CECR2: variants seen among roughly 807,000 people sequenced by gnomAD.
The protein encoded by CECR2 is CECR2 histone acetyl-lysine reader, also known as chromatin remodeling regulator CECR2.
A neutral mutation model predicts 154.5 loss-of-function variants in CECR2; 30 were observed. That is an observed-to-expected ratio of 0.19 (90% CI 0.15 to 0.26). CECR2 has a LOEUF of 0.26. Ranked by LOEUF, CECR2 falls within the 10% of genes least tolerant of loss-of-function variation. CECR2 has a pLI of 1.00. For missense variants in CECR2, 1,743 were observed against 1,829.3 expected (o/e 0.95, Z 0.86); for synonymous variants, 725 against 683.7 (o/e 1.06, Z -0.94).
chr22:17,367,789 G>A (rs1449093702), upstream of CECR2, among the ~76,000 whole-genome samples: 2 of 152,212 alleles, frequency 1.3e-5, no homozygotes, highest in African/African-American at 4.8e-5. Flanking sequence ...GACAATTCCG[G>A]GGTGGCCTGT....
At chr22:17,538,800 G>C (rs2300685) in intron 12 of CECR2, 69 bp downstream of exon 12, 97,939 of 1,398,514 alleles carry the variant, frequency 0.07, 7,053 homozygotes, top group African/African-American at 0.37. Flanking sequence ...TTGTTTGTTT[G>C]TTGTTAAATA....
intron 9 of CECR2, among the ~76,000 whole-genome samples, chr22:17,525,781 T>C (rs1188056074): frequency 7.2e-5 from 11 of 152,222 alleles, no homozygotes; most frequent in Non-Finnish European, 1.0e-4. Context: ...GAATTGTGTT[T>C]TTTTATTTAA....
rs375747559 is a variant in CECR2, at chr22:17,549,001, A to T, written c.3714A>T (p.Ser1238=). ...CTCCCCCACCAAGGTCCCTCTTCTC[A>T]GATAAGAATGCCATGGCCAGTCTGC... is the stretch of plus-strand genomic sequence containing the variant. The part of the protein sequence containing the change: ...SQPPPPRSLF[S]DKNAMASLQG... Residue 1238 remains serine, a synonymous_variant, in exon 17 of 19, where the codon TCA becomes TCT. Coordinates refer to ENST00000262608, the MANE Select transcript of CECR2 (RefSeq NM_001290047.2). The T allele has an allele frequency of 3.6e-4, 581 of 1,613,954 alleles. 6 individuals are homozygous for T. The South Asian group carries it at 4.5e-3, about 12-fold the overall frequency.
intron 1 of CECR2, among the ~76,000 whole-genome samples, chr22:17,458,330 C>T (rs1181582498): frequency 1.3e-5 from 2 of 151,364 alleles, no homozygotes; most frequent in African/African-American, 4.9e-5. Context: ...CAGAGAATTG[C>T]TTGAACCCAA....
chr22:17,495,637 T>C (rs1006534958), intron 2 of CECR2, among the ~76,000 whole-genome samples: 1 of 129,820 alleles, frequency 7.7e-6, no homozygotes, highest in Admixed American at 8.4e-5. Flanking sequence ...CCGAGGCGGG[T>C]GGATCATGAG....
At chr22:17,433,017 T>TA (rs2054449983) in intron 1 of CECR2, among the ~76,000 whole-genome samples, 1 of 152,234 alleles carries the variant, frequency 6.6e-6, no homozygotes. Context: ...CATGCACTCT[T>TA]ATCACCGAGC....
At chr22:17,371,714 A>G (rs900555713) in intron 1 of CECR2, among the ~76,000 whole-genome samples, 1 of 152,142 alleles carries the variant, frequency 6.6e-6, no homozygotes, top group Non-Finnish European at 1.5e-5. Context: ...CTTCCTTGCG[A>G]GATAAAGTTG....
At position 17,395,094 on chromosome 22, in the gene CECR2, C is replaced by A. The variant is rs574953993; in HGVS notation, c.126+25185C>A. 7.7e-4 allele frequency among the ~76,000 whole-genome samples: 117 copies of A among 152,226 alleles called. 1 individual carries two copies. The highest frequency in any genetic ancestry group is 2.7e-3 in the African/African-American group (114 of 41,538). Reference sequence around the variant, plus strand: ...TCTAACCCCAGTGTTGCCTTGTGTCCCTTGGCGGTTGACCCCATCCCTACT... The same window carrying A: ...TCTAACCCCAGTGTTGCCTTGTGTCACTTGGCGGTTGACCCCATCCCTACT... On this transcript the variant is annotated intron_variant, in intron 1 of 18. Transcript: ENST00000262608.
rs913379536 is a variant in CECR2, at chr22:17,409,884, G to T, written c.126+39975G>T. Among the ~76,000 whole-genome samples, 39 of 111,380 alleles carry T rather than the reference G, an allele frequency of 3.5e-4. 7 individuals carry two copies. Among genetic ancestry groups the T allele is most frequent in the Non-Finnish European group, 6.6e-4 (31 of 46,736 alleles). The allele number at this position is 111,380 out of a possible 152,430, so 73.1% of individuals were successfully genotyped here. On this transcript the variant is annotated intron_variant, in intron 1 of 18. Coordinates refer to ENST00000262608, the MANE Select transcript of CECR2 (RefSeq NM_001290047.2). ...AATGAAATAAAATTTCCAAAAGCAG[G>T]GACTGTGTTTTATCCATATTTGTGT... is the stretch of plus-strand genomic sequence containing the variant.
At chr22:17,369,228 G>A (rs928238610), upstream of CECR2, 1 of 151,898 alleles carries the variant, frequency 6.6e-6, no homozygotes, top group African/African-American at 2.4e-5. Flanking sequence ...AAGTCCTGGA[G>A]GGCGGAGGGC....
In CECR2 at chr22:17,418,130, C is replaced by G. The variant is rs191373750; in HGVS notation, c.126+48221C>G. 2.2e-3 allele frequency among the ~76,000 whole-genome samples: 340 copies of G among 152,224 alleles called. 2 individuals are homozygous for G. Among genetic ancestry groups the G allele is most frequent in the African/African-American group, 7.6e-3 (317 of 41,536 alleles). On this transcript the variant is annotated intron_variant, in intron 1 of 18. Transcript: ENST00000262608. Reference sequence around the variant, plus strand: ...AAAAAATATAAATCATTTTCATTCCCCAAGAAAGTTCTCTCATGCTGCGTG... The same window carrying G: ...AAAAAATATAAATCATTTTCATTCCGCAAGAAAGTTCTCTCATGCTGCGTG...
intron 7 of CECR2, among the ~76,000 whole-genome samples, chr22:17,505,712 GT>G (rs1365790893): frequency 5.4e-5 from 8 of 148,138 alleles, no homozygotes; most frequent in African/African-American, 1.0e-4. Context: ...AATTTTTTGT[GT>G]TTTTAGTAGA....
At chr22:17,511,260 GAAATTTCCTATAAGGACTGCTTTCC>G (rs953684825) in intron 7 of CECR2, among the ~76,000 whole-genome samples, 1 of 152,154 alleles carries the variant, frequency 6.6e-6, no homozygotes, top group African/African-American at 2.4e-5. Flanking sequence ...CTCTTTCTTT[GAAATTTCCTATAAGGACTGCTTTCC>G]AGCCTGGTGC....
At chr22:17,488,056 AT>A (rs2055455703) in intron 2 of CECR2, among the ~76,000 whole-genome samples, 1 of 151,918 alleles carries the variant, frequency 6.6e-6, no homozygotes, top group Non-Finnish European at 1.5e-5. Context: ...TAATTTTTGT[AT>A]TTTTAGTAGA....
chr22:17,468,164 A>G (rs2055065390), intron 1 of CECR2, among the ~76,000 whole-genome samples: 1 of 152,146 alleles, frequency 6.6e-6, no homozygotes, highest in African/African-American at 2.4e-5. Flanking sequence ...AAGAAAGGGG[A>G]GTATGCCCTT....
intron 2 of CECR2, among the ~76,000 whole-genome samples, chr22:17,493,265 C>T (rs1191437349): frequency 4.6e-5 from 7 of 152,188 alleles, no homozygotes; most frequent in African/African-American, 1.4e-4. Context: ...AGCTACTGCG[C>T]CCGGCCTCTT....
intron 1 of CECR2, among the ~76,000 whole-genome samples, chr22:17,424,128 A>G (rs768970500): frequency 2.6e-5 from 4 of 152,112 alleles, no homozygotes; most frequent in Non-Finnish European, 4.4e-5. Context: ...GAACTTTGAG[A>G]AGATAATTGT....
At chr22:17,449,634 C>T (rs980397819) in intron 1 of CECR2, among the ~76,000 whole-genome samples, 13 of 151,896 alleles carry the variant, frequency 8.6e-5, no homozygotes, top group Admixed American at 5.9e-4. Context: ...GGACTACAGG[C>T]GCCCGCCACC....
intron 1 of CECR2, among the ~76,000 whole-genome samples, chr22:17,476,243 T>C (rs1174346541): frequency 6.6e-6 from 1 of 151,372 alleles, no homozygotes; most frequent in African/African-American, 2.4e-5. Context: ...GTGTTTTCTG[T>C]ACCTGCTAGT....
Sources: allele counts gnomAD v4.1 joint callset (sites outside exome capture counted in the v4.1 genomes callset), GRCh38; gene constraint gnomAD v4.1.1; transcripts MANE v1.5; gene names NCBI Gene and HGNC (gene_info 2026-07-23, HGNC 2026-07-21).